CYP7B1: variants seen among roughly 807,000 people sequenced by gnomAD.
CYP7B1 encodes the protein cytochrome P450 7B1.
Under a neutral mutation model 42.7 loss-of-function variants are expected in CYP7B1, and 29 were observed. The ratio of observed to expected loss-of-function variants is 0.68; its 90% CI spans 0.51 to 0.93. The LOEUF (loss-of-function observed/expected upper bound fraction) is 0.93. CYP7B1 is among the 40% of genes least tolerant of loss of function. The pLI, the probability that CYP7B1 is intolerant of heterozygous loss-of-function variation, is 0.00. For synonymous variants in CYP7B1, 235 were observed against 218.2 expected (o/e 1.08, Z -0.68); for missense variants, 655 against 600.5 (o/e 1.09, Z -0.95).
intron 1 of CYP7B1, among the ~76,000 whole-genome samples, chr8:64,647,023 A>G (rs557777170): frequency 2.0e-5 from 3 of 152,270 alleles, no homozygotes; most frequent in Admixed American, 2.0e-4. Flanking sequence ...CTCGCTTTTA[A>G]TTTAAAGTGA....
chr8:64,616,319 T>C, intron 2 of CYP7B1, 38 bp from the exon 3 acceptor site: 2 of 1,300,416 alleles, frequency 1.5e-6, no homozygotes, highest in Non-Finnish European at 2.1e-6. Context: ...ATGAGTTCGT[T>C]TGTTAATAAA....
Position 64,744,802 on chromosome 8 carries a change from T to A in CYP7B1, c.122+53664A>T, listed in dbSNP as rs76140414. Among the ~76,000 whole-genome samples the A allele has an allele frequency of 3.2e-4, 49 of 152,324 alleles. No homozygotes were observed. In the East Asian group the frequency reaches 7.9e-3, roughly 25 times the overall value. Reference sequence around the variant, plus strand: ...TGTGGGAATTTTCTTTGTTCTATACTGGACCTCAGAGGACTTTCAAAAGTC... The same window carrying A: ...TGTGGGAATTTTCTTTGTTCTATACAGGACCTCAGAGGACTTTCAAAAGTC... On this transcript the variant is annotated intron_variant, in intron 1 of 5. Transcript: ENST00000310193.
intron 1 of CYP7B1, among the ~76,000 whole-genome samples, chr8:64,677,280 G>A (rs185677327): frequency 0.013 from 1,958 of 151,230 alleles, 22 homozygotes; most frequent in Middle Eastern, 0.061. Context: ...AAAATCCTAC[G>A]GAAAAAAAAC....
intron 1 of CYP7B1, among the ~76,000 whole-genome samples, chr8:64,664,232 CCTGT>C (rs1806242563): frequency 6.6e-6 from 1 of 152,160 alleles, no homozygotes; most frequent in Admixed American, 6.5e-5. Flanking sequence ...TGAGATCAGA[CCTGT>C]CTATTTGCAA....
At chr8:64,690,199 C>A (rs1806717846) in intron 1 of CYP7B1, among the ~76,000 whole-genome samples, 2 of 152,230 alleles carry the variant, frequency 1.3e-5, no homozygotes, top group Middle Eastern at 6.8e-3. Flanking sequence ...AAGGTAGAGA[C>A]CAACCCGGGC....
chr8:64,731,915 C>T, intron 1 of CYP7B1, among the ~76,000 whole-genome samples: 1 of 152,140 alleles, frequency 6.6e-6, no homozygotes, highest in Non-Finnish European at 1.5e-5. Context: ...CTGTGGTGTA[C>T]CAAAGTCAAG....
intron 2 of CYP7B1, among the ~76,000 whole-genome samples, chr8:64,616,601 A>T (rs1377454314): frequency 6.6e-6 from 1 of 152,208 alleles, no homozygotes; most frequent in Non-Finnish European, 1.5e-5. Context: ...TAATCCCCTG[A>T]CTTAAATACT....
Position 64,798,510 on chromosome 8 carries a change from C to G in CYP7B1, c.78G>C (p.Ala26=), listed in dbSNP as rs953886480. ...AGCAGAGGGCCAGGAGCAGCAGGGC[C>G]GCGGCGAGGGCCAGGCCCGGGAGGC... ...RLGLPGLALA[A]ALLLLALCLL... The change falls in exon 1 of 6, where the codon GCG becomes GCC. Residue 26 remains alanine, a synonymous_variant. Coordinates refer to ENST00000310193, the MANE Select transcript of CYP7B1 (RefSeq NM_004820.5). The G allele has an allele frequency of 6.6e-7, 1 of 1,507,556 alleles. No homozygotes were observed. Among genetic ancestry groups the G allele is most frequent in the Non-Finnish European group, 8.8e-7 (1 of 1,136,934 alleles). The allele number at this position is 1,507,556 out of a possible 1,614,324, so 93.4% of individuals were successfully genotyped here. A position where few individuals can be genotyped will look rare whatever the true frequency, so the allele number is the denominator to read the frequency against.
At chr8:64,761,450 A>C (rs912898862) in intron 1 of CYP7B1, among the ~76,000 whole-genome samples, 1 of 152,128 alleles carries the variant, frequency 6.6e-6, no homozygotes, top group South Asian at 2.1e-4. Flanking sequence ...CACTTTAAAT[A>C]TATATAATTT....
rs182459732 is a variant in CYP7B1, at chr8:64,650,104, T to C, written c.123-25565A>G. ...TTATTTTGTTGCCTGTGCCTGTGCA[T>C]ATGTTTAAAATAAAACTGTCTTACA... On this transcript the variant is annotated intron_variant, in intron 1 of 5. Transcript: ENST00000310193. Among the ~76,000 whole-genome samples the C allele has an allele frequency of 2.0e-3, 305 of 152,344 alleles. 6 individuals carry two copies. The highest frequency in any genetic ancestry group is 0.019 in the Admixed American group (290 of 15,300).
intron 1 of CYP7B1, among the ~76,000 whole-genome samples, chr8:64,777,174 TAA>T (rs71561235): frequency 6.7e-4 from 76 of 113,094 alleles, no homozygotes; most frequent in African/African-American, 7.8e-4. Flanking sequence ...GGTCATTTTG[TAA>T]AAAAAAAAAA....
chr8:64,715,232 TA>T (rs1432983343), intron 1 of CYP7B1, among the ~76,000 whole-genome samples: 1 of 152,230 alleles, frequency 6.6e-6, no homozygotes, highest in Non-Finnish European at 1.5e-5. Context: ...AAATTTTTTA[TA>T]ATCTTTTAAA....
At chr8:64,628,270 G>C (rs989645391) in intron 1 of CYP7B1, among the ~76,000 whole-genome samples, 2 of 152,196 alleles carry the variant, frequency 1.3e-5, no homozygotes, top group South Asian at 4.1e-4. Flanking sequence ...CATTGCATCA[G>C]TGCTTACAGT....
downstream of CYP7B1, among the ~76,000 whole-genome samples, chr8:64,588,276 C>T (rs1265248686): frequency 3.3e-5 from 5 of 152,102 alleles, no homozygotes; most frequent in Non-Finnish European, 7.4e-5. Context: ...AAACTAATGG[C>T]AGCCATAAAC....
chr8:64,676,994 A>T (rs1215586135), intron 1 of CYP7B1, among the ~76,000 whole-genome samples: 1 of 152,118 alleles, frequency 6.6e-6, no homozygotes, highest in Non-Finnish European at 1.5e-5. Context: ...ATGAACCGAC[A>T]TTTGGGGGCT....
chr8:64,771,101 G>A (rs1008308635), intron 1 of CYP7B1, among the ~76,000 whole-genome samples: 7 of 103,312 alleles, frequency 6.8e-5, no homozygotes, highest in African/African-American at 1.6e-4. Context: ...TTGCTCTGTC[G>A]CCAGGCTGGA....
intron 5 of CYP7B1, 82 bp downstream of exon 5, chr8:64,604,600 G>A: frequency 1.3e-6 from 2 of 1,539,138 alleles, no homozygotes; most frequent in Non-Finnish European, 1.8e-6. Context: ...GACCAAAGTG[G>A]CAAGAGGAAG....
intron 1 of CYP7B1, among the ~76,000 whole-genome samples, chr8:64,745,582 T>G (rs1807631913): frequency 6.6e-6 from 1 of 152,162 alleles, no homozygotes; most frequent in African/African-American, 2.4e-5. Flanking sequence ...AACAGACCTG[T>G]GTCTTCATTC....
chr8:64,597,961 A>T (rs186406779), intron 5 of CYP7B1, among the ~76,000 whole-genome samples: 1 of 152,346 alleles, frequency 6.6e-6, no homozygotes, highest in East Asian at 1.9e-4. Context: ...AAACCTTGCA[A>T]TATGTGGATA....
Sources: gnomAD v4.1 joint callset for allele counts (sites outside exome capture counted in the v4.1 genomes callset) on GRCh38, gnomAD v4.1.1 for gene constraint, MANE v1.5 for transcripts, NCBI Gene and HGNC (gene_info 2026-07-23, HGNC 2026-07-21) for gene names.